The following ZNF568 variants were observed in gnomAD, a reference collection of about 807,000 sequenced individuals.
The protein encoded by ZNF568 is p53 inhibitor of SCO2 activation.
ZNF568 carries 11 observed loss-of-function variants against 18.1 expected under a neutral mutation model. The observed-to-expected ratio is 0.61, with a 90% CI of 0.38 to 1.00. The LOEUF (loss-of-function observed/expected upper bound fraction) is 1.00. Among genes scored for constraint, ZNF568 ranks in the 50% least tolerant of loss-of-function variants. The pLI, the probability that ZNF568 is intolerant of heterozygous loss-of-function variation, is 0.01. For synonymous variants in ZNF568, 213 were observed against 246.6 expected (o/e 0.86, Z 1.28); for missense variants, 639 against 768.2 (o/e 0.83, Z 1.99).
intron 4 of ZNF568, among the ~76,000 whole-genome samples, chr19:36,932,789 T>C (rs2073709323): frequency 1.3e-5 from 2 of 152,228 alleles, no homozygotes; most frequent in Non-Finnish European, 2.9e-5. Flanking sequence ...CTTGTGATGT[T>C]GAACACCATT....
At chr19:36,947,531 C>T (rs2146307019) in intron 6 of ZNF568, among the ~76,000 whole-genome samples, 1 of 152,286 alleles carries the variant, frequency 6.6e-6, no homozygotes, top group South Asian at 2.1e-4. Flanking sequence ...CTGCCTCAGC[C>T]TTTACGGGAT....
Position 36,927,864 on chromosome 19 carries a change from ATATATATATATATATATATATAT to A in ZNF568, c.135+2624_135+2646del, listed in dbSNP as rs1568381235. ...GATATATGTGTGTGTGTGTGTGTAT[ATATATATATATATATATATATAT>A]TATATATATATATATATTTTTTTTT... On this transcript the variant is annotated intron_variant, in intron 4 of 6. Coordinates refer to ENST00000333987, the MANE Select transcript of ZNF568 (RefSeq NM_198539.4). Among the ~76,000 whole-genome samples, 193 of 49,482 alleles carry A rather than the reference ATATATATATATATATATATATAT, an allele frequency of 3.9e-3. 2 individuals carry two copies. The highest frequency in any genetic ancestry group is 7.0e-3 in the African/African-American group (39 of 5,590). 32.5% of individuals were successfully genotyped at this position (49,482 alleles called of 152,430 possible).
Position 36,950,722 on chromosome 19 carries a change from T to A in ZNF568, c.1569T>A (p.Ile523=). The A allele has an allele frequency of 6.2e-7, 1 of 1,613,722 alleles. No individual in the cohort carries two copies. The change falls in exon 7 of 7, where the codon ATT becomes ATA. Residue 523 remains isoleucine (I), a synonymous_variant. Coordinates refer to ENST00000333987, the MANE Select transcript of ZNF568 (RefSeq NM_198539.4). ...CAAACCTCACTGAACATGAGAAAATTCATACTGGAGAGAAACCTTATCATT... is the reference window on the plus strand; with the variant it reads ...CAAACCTCACTGAACATGAGAAAATACATACTGGAGAGAAACCTTATCATT... ...QKSNLTEHEK[I]HTGEKPYHCN... is the part of the protein sequence containing the mutation.
At chr19:36,925,115 G>A in intron 3 of ZNF568, 85 bp from the exon 4 acceptor site, 1 of 1,193,396 alleles carries the variant, frequency 8.4e-7, no homozygotes, top group East Asian at 2.3e-5. Context: ...TCTGTAGAGG[G>A]TCTTCTAGCC....
downstream of ZNF568, chr19:36,997,590 A>C (rs772203910): frequency 6.4e-7 from 1 of 1,566,414 alleles, no homozygotes; most frequent in Non-Finnish European, 8.6e-7. Context: ...GTGGCTCAGA[A>C]CTTAGTTGAC....
rs991468308 is a variant in ZNF568, at chr19:36,944,703, C to A, written c.359-4809C>A. 1.1e-3 allele frequency among the ~76,000 whole-genome samples: 171 copies of A among 152,186 alleles called. 1 individual carries two copies. Among genetic ancestry groups the A allele is most frequent in the African/African-American group, 4.0e-3 (167 of 41,532 alleles). On this transcript the variant is annotated intron_variant, in intron 6 of 6. Transcript: ENST00000333987. ...CCCATCATCTTCCCAGTTGTGGAAA[C>A]CAAAAATGTCTGTAGACCTTCCAGA... is the stretch of plus-strand genomic sequence containing the variant.
intron 6 of ZNF568, among the ~76,000 whole-genome samples, chr19:36,964,954 T>C (rs1350742285): frequency 6.7e-6 from 1 of 150,240 alleles, no homozygotes; most frequent in Non-Finnish European, 1.5e-5. Context: ...AAAAATGATC[T>C]TCTGCGCTCT....
At position 36,977,803 on chromosome 19, in the gene ZNF568, G is replaced by A. The variant is rs151101282; in HGVS notation, c.406-1201G>A. Among the ~76,000 whole-genome samples, 386 of 152,324 alleles carry A rather than the reference G, an allele frequency of 2.5e-3. 4 individuals are homozygous for A. The highest frequency in any genetic ancestry group is 8.7e-3 in the African/African-American group (363 of 41,568). On this transcript the variant is annotated intron_variant, in intron 7 of 7. Coordinates refer to the ZNF568 transcript ENST00000427117. ...CTAATGGGAGGCTGTGCATTGTGAT[G>A]AAAGGGTAGAATCTTAGCCCATTTC...
intron 4 of ZNF568, among the ~76,000 whole-genome samples, chr19:36,994,065 T>C (rs2074448685): frequency 6.6e-6 from 1 of 152,006 alleles, no homozygotes; most frequent in South Asian, 2.1e-4. Context: ...GCTGTAAATT[T>C]CCCTTTAAGC....
At chr19:36,984,858 G>A (rs2074362708), downstream of ZNF568, among the ~76,000 whole-genome samples, 1 of 151,492 alleles carries the variant, frequency 6.6e-6, no homozygotes, top group African/African-American at 2.4e-5. Flanking sequence ...TGCTTTTCAC[G>A]TATTCTCTTT....
At chr19:36,988,940 C>G (rs1475045404) in intron 2 of ZNF568, among the ~76,000 whole-genome samples, 1 of 152,120 alleles carries the variant, frequency 6.6e-6, no homozygotes, top group Non-Finnish European at 1.5e-5. Flanking sequence ...CAATAGAGCA[C>G]CAGAATGTAT....
At chr19:36,956,624 G>T (rs1391249139), downstream of ZNF568, among the ~76,000 whole-genome samples, 1 of 151,278 alleles carries the variant, frequency 6.6e-6, no homozygotes, top group African/African-American at 2.4e-5. Flanking sequence ...TTGAGACAGG[G>T]TGTCACTCTG....
intron 4 of ZNF568, among the ~76,000 whole-genome samples, chr19:36,993,577 T>C (rs2146351311): frequency 6.6e-6 from 1 of 152,312 alleles, no homozygotes; most frequent in East Asian, 1.9e-4. Flanking sequence ...GTCTCTTTAT[T>C]TGGTATAGGT....
chr19:36,921,493 A>T (rs1248140433), intron 2 of ZNF568, among the ~76,000 whole-genome samples: 1 of 152,020 alleles, frequency 6.6e-6, no homozygotes, highest in Non-Finnish European at 1.5e-5. Context: ...GATCACTGTC[A>T]TGAAAAAAAG....
chr19:36,953,439 G>A (rs2074083456), downstream of ZNF568, among the ~76,000 whole-genome samples: 1 of 152,094 alleles, frequency 6.6e-6, no homozygotes, highest in African/African-American at 2.4e-5. Context: ...CAGCCCATCC[G>A]GTTTTGGTTG....
At chr19:36,984,280 G>A (rs2074356968), downstream of ZNF568, among the ~76,000 whole-genome samples, 1 of 151,944 alleles carries the variant, frequency 6.6e-6, no homozygotes, top group African/African-American at 2.4e-5. Flanking sequence ...TCATTTTTGT[G>A]CTTTTAATTC....
chr19:36,945,653 C>A (rs510214), intron 6 of ZNF568, among the ~76,000 whole-genome samples: 20,354 of 151,818 alleles, frequency 0.13, 2,767 homozygotes, highest in African/African-American at 0.35. Flanking sequence ...AGGATTAGCA[C>A]CTCATCCCCA....
intron 6 of ZNF568, among the ~76,000 whole-genome samples, chr19:36,962,317 C>T (rs2074160502): frequency 2.1e-5 from 2 of 95,408 alleles, no homozygotes; most frequent in African/African-American, 7.2e-5. Context: ...AGGTTTAAGA[C>T]CCCCTTGAGC....
At chr19:36,927,879 TA>T (rs1269258563) in intron 4 of ZNF568, among the ~76,000 whole-genome samples, 16 of 56,540 alleles carry the variant, frequency 2.8e-4, no homozygotes, top group South Asian at 1.2e-3. Flanking sequence ...TATATATATA[TA>T]TATATATTAT....
Sources: allele counts gnomAD v4.1 joint callset (sites outside exome capture counted in the v4.1 genomes callset), GRCh38; gene constraint gnomAD v4.1.1; transcripts MANE v1.5; gene names NCBI Gene and HGNC (gene_info 2026-07-23, HGNC 2026-07-21).